The following ANTXR2 variants were observed in gnomAD, a reference collection of about 807,000 sequenced individuals.
ANTXR2 encodes ANTXR cell adhesion molecule 2.
Under a neutral mutation model 73.7 loss-of-function variants are expected in ANTXR2, and 44 were observed. The ratio of observed to expected loss-of-function variants is 0.60; its 90% CI spans 0.47 to 0.77. The LOEUF is 0.77. ANTXR2 is among the 30% of genes least tolerant of loss of function. The pLI is 0.00. For missense variants in ANTXR2, 604 were observed against 592.5 expected, an observed-to-expected ratio of 1.02 and a Z score of -0.20; for synonymous variants, 217 against 205.9, an observed-to-expected ratio of 1.05 and a Z score of -0.46.
At chr4:79,980,208 G>C (rs1301275657) in intron 14 of ANTXR2, among the ~76,000 whole-genome samples, 1 of 152,110 alleles carries the variant, frequency 6.6e-6, no homozygotes, top group African/African-American at 2.4e-5. Context: ...ATTAGTTTTA[G>C]TTCATGAGGG....
chr4:80,037,692 A>T (rs1298053406), intron 7 of ANTXR2, among the ~76,000 whole-genome samples: 1 of 152,182 alleles, frequency 6.6e-6, no homozygotes, highest in African/African-American at 2.4e-5. Flanking sequence ...CCCTCTTGGA[A>T]GGGTAGTATT....
intron 11 of ANTXR2, among the ~76,000 whole-genome samples, chr4:80,011,354 CATCT>C (rs1206926438): frequency 1.3e-5 from 2 of 151,834 alleles, no homozygotes; most frequent in African/African-American, 4.8e-5. Flanking sequence ...GTCTGTCTAT[CATCT>C]ATCTATCTGA....
intron 14 of ANTXR2, 34 bp downstream of exon 14, chr4:79,983,844 A>G: frequency 1.3e-6 from 2 of 1,489,918 alleles, no homozygotes; most frequent in Non-Finnish European, 9.4e-7. Context: ...CATACTCCAG[A>G]TTAGCAGCTT....
intron 3 of ANTXR2, among the ~76,000 whole-genome samples, chr4:80,064,284 T>C (rs1734394438): frequency 6.6e-6 from 1 of 152,184 alleles, no homozygotes; most frequent in South Asian, 2.1e-4. Flanking sequence ...TATTTATAAC[T>C]GATTTGTAAG....
Position 80,069,446 on chromosome 4 carries a change from T to G in ANTXR2, c.286A>C (p.Thr96Pro), listed in dbSNP as rs1245754078. Residue 96 changes from threonine (T) to proline (P), a missense_variant, in exon 3 of 17, where the codon ACT becomes CCT. Thr to Pro is a conservative substitution (Grantham distance 38). Coordinates refer to ENST00000403729, the MANE Select transcript of ANTXR2 (RefSeq NM_058172.6). ...TGATAATGCACTAACCTGTCTCCAGTTAATGGCAAAATAATAGTTGCTTGA... is the reference window on the plus strand; with the variant it reads ...TGATAATGCACTAACCTGTCTCCAGGTAATGGCAAAATAATAGTTGCTTGA... ...SSQATIILPL[T>P]GDRGKISKGL... The G allele has an allele frequency of 1.3e-6, 2 of 1,598,500 alleles. No homozygotes were observed. The highest frequency in any genetic ancestry group is 1.3e-5 in the African/African-American group (1 of 74,606).
At chr4:79,967,262 G>A (rs1216714401) in intron 16 of ANTXR2, among the ~76,000 whole-genome samples, 1 of 58,316 alleles carries the variant, frequency 1.7e-5, no homozygotes, top group Non-Finnish European at 3.7e-5. Context: ...TGGCTCGGAG[G>A]GTCCTATGCC....
chr4:79,993,439 C>A (rs190774750), intron 12 of ANTXR2, among the ~76,000 whole-genome samples: 5 of 151,906 alleles, frequency 3.3e-5, no homozygotes, highest in East Asian at 1.9e-4. Context: ...ATTCCCTCCC[C>A]CTGTCACTCC....
Position 80,022,938 on chromosome 4 carries a change from T to G in ANTXR2, c.867-3962A>C, listed in dbSNP as rs539141262. On this transcript the variant is annotated intron_variant, in intron 10 of 16. Transcript: ENST00000403729. ...AGTTGTTTTAAGGAACAGAGCTTGG[T>G]AAAATAATATACATAAAATATACAA... Among the ~76,000 whole-genome samples, 85 of 152,256 alleles carry G rather than the reference T, an allele frequency of 5.6e-4. 1 individual carries two copies. In the South Asian group the frequency reaches 7.5e-3, roughly 13 times the overall value.
At chr4:80,055,524 T>C in intron 4 of ANTXR2, 57 bp from the exon 5 acceptor site, 2 of 1,397,364 alleles carry the variant, frequency 1.4e-6, no homozygotes, top group Admixed American at 2.0e-5. Context: ...TTAACCAGCA[T>C]GTTCCATCAA....
chr4:79,975,538 T>C (rs1398326516), intron 16 of ANTXR2, among the ~76,000 whole-genome samples: 1 of 152,190 alleles, frequency 6.6e-6, no homozygotes, highest in Non-Finnish European at 1.5e-5. Flanking sequence ...CCACTGTCTG[T>C]TTTTATTGGC....
intron 12 of ANTXR2, among the ~76,000 whole-genome samples, chr4:80,000,792 C>A (rs1344245415): frequency 6.6e-6 from 1 of 152,066 alleles, no homozygotes; most frequent in Non-Finnish European, 1.5e-5. Context: ...TTCACAGACA[C>A]AGTAATTAGT....
At chr4:80,017,327 C>G (rs774031925) in intron 11 of ANTXR2, among the ~76,000 whole-genome samples, 1 of 152,202 alleles carries the variant, frequency 6.6e-6, no homozygotes, top group African/African-American at 2.4e-5. Context: ...GCAGGCCTCA[C>G]TCCCTTACCT....
At chr4:79,913,433 T>C (rs980516517) in intron 16 of ANTXR2, among the ~76,000 whole-genome samples, 3 of 152,192 alleles carry the variant, frequency 2.0e-5, no homozygotes, top group Non-Finnish European at 4.4e-5. Flanking sequence ...TGTGTATGTC[T>C]ATAAGTGCAT....
intron 9 of ANTXR2, 139 bp downstream of exon 9, chr4:80,033,333 T>C: frequency 1.7e-6 from 1 of 601,732 alleles, no homozygotes; most frequent in African/African-American, 2.0e-5. Context: ...CTACTATTTG[T>C]ATTATCATTC....
At chr4:79,909,119 T>C (rs1485615766) in intron 16 of ANTXR2, among the ~76,000 whole-genome samples, 3 of 152,194 alleles carry the variant, frequency 2.0e-5, no homozygotes, top group Non-Finnish European at 4.4e-5. Context: ...AATATTATCT[T>C]CTGGCAATTT....
At chr4:79,987,807 C>T (rs1413172863) in intron 12 of ANTXR2, among the ~76,000 whole-genome samples, 1 of 152,064 alleles carries the variant, frequency 6.6e-6, no homozygotes, top group Non-Finnish European at 1.5e-5. Context: ...AGATTGGCGG[C>T]CTATATTCTG....
rs1223182716 is a variant in ANTXR2 at position 80,072,660 on chromosome 4, G to A, written c.-100C>T. ...GTCACCCGGCACGCACTCTGGGGTG[G>A]GGGGCGGCGAGCAGCTGAGACGCCG... On this transcript the variant is annotated 5_prime_UTR_variant, in exon 1 of 17. Transcript: ENST00000403729. The A allele has an allele frequency of 7.5e-7, 1 of 1,340,906 alleles. No individual in the cohort carries two copies. The highest frequency in any genetic ancestry group is 9.5e-7 in the Non-Finnish European group (1 of 1,049,464). The allele number at this position is 1,340,906 out of a possible 1,614,324, so 83.1% of individuals were successfully genotyped here.
rs1005734569 is a variant in ANTXR2, at chr4:79,903,235, G to A, written c.*4194C>T. Reference sequence around the variant, plus strand: ...TCAGTCTATGGTTGAGAGTTGATCTGTTCAACATCAGCAAGCTAGTTGATG... The same window carrying A: ...TCAGTCTATGGTTGAGAGTTGATCTATTCAACATCAGCAAGCTAGTTGATG... On this transcript the variant is annotated 3_prime_UTR_variant, in exon 17 of 17. Transcript: ENST00000403729. The A allele has an allele frequency of 1.3e-5, 2 of 151,892 alleles. No homozygotes were observed. The highest frequency in any genetic ancestry group is 2.4e-5 in the African/African-American group (1 of 41,342). The allele number at this position is 151,892 out of a possible 1,614,324, so 9.4% of individuals were successfully genotyped here. A position where few individuals can be genotyped will look rare whatever the true frequency, so the allele number is the denominator to read the frequency against.
Position 80,004,432 on chromosome 4 carries a change from G to A in ANTXR2, c.1041+4089C>T, listed in dbSNP as rs560136461. Among the ~76,000 whole-genome samples the A allele has an allele frequency of 2.0e-5, 3 of 152,020 alleles. No homozygotes were observed. The East Asian group carries it at 5.8e-4, about 29-fold the overall frequency. ...TTTTTTTTATACTTCTGGAAGTCTG[G>A]AGTCTGAAGTGAGTCTTACAGGGTT... On this transcript the variant is annotated intron_variant, in intron 12 of 16. Transcript: ENST00000403729.
Sources: gnomAD v4.1 joint callset for allele counts (sites outside exome capture counted in the v4.1 genomes callset) on GRCh38, gnomAD v4.1.1 for gene constraint, MANE v1.5 for transcripts, NCBI Gene and HGNC (gene_info 2026-07-23, HGNC 2026-07-21) for gene names.